The following DLK1 variants were observed in gnomAD, a reference collection of about 807,000 sequenced individuals.
The protein encoded by DLK1 is delta like non-canonical Notch ligand 1, also known as protein delta homolog 1.
In DLK1, 9 loss-of-function variants were observed where a neutral mutation model predicts 35.2. The observed-to-expected ratio is 0.26, with a 90% confidence interval of 0.15 to 0.45. DLK1 has a LOEUF of 0.45. Ranked by LOEUF, DLK1 falls within the 20% of genes least tolerant of loss-of-function variation. The pLI is 1.00. For missense variants in DLK1, 522 were observed against 528.5 expected, an observed-to-expected ratio of 0.99 and a Z score of 0.12; for synonymous variants, 231 against 228.4, an observed-to-expected ratio of 1.01 and a Z score of -0.10.
chr14:100,728,540 A>G (rs1006461177), intron 2 of DLK1, 81 bp downstream of exon 2: 1 of 1,422,326 alleles, frequency 7.0e-7, no homozygotes. Flanking sequence ...AGAAAAAAAT[A>G]GGGGGCTTGG....
chr14:100,734,374 C>T lies in DLK1; in HGVS notation c.630C>T (p.Thr210=). 6.2e-7 allele frequency: 1 copy of T among 1,612,052 alleles called. No homozygotes were observed. Among genetic ancestry groups the T allele is most frequent in the Non-Finnish European group, 8.5e-7 (1 of 1,179,248 alleles). ...ACAAGACCTGCAGCCGCCCGGTGAC[C>T]AACTGCGCCAGCAGCCCGTGCCAGA... ...FIDKTCSRPV[T]NCASSPCQNG... The change falls in exon 5 of 5, where the codon ACC becomes ACT. Residue 210 remains threonine (T), a synonymous_variant. Transcript: ENST00000341267. This position sits in a 1 kb window ranked among gnomAD's most constrained non-coding sequence, Gnocchi z 7.4.
chr14:100,730,700 G>A (rs1459198504), intron 3 of DLK1, among the ~76,000 whole-genome samples: 1 of 152,224 alleles, frequency 6.6e-6, no homozygotes, highest in Non-Finnish European at 1.5e-5. Context: ...CTGAGTGACA[G>A]GAGAGTCGGG....
In DLK1 at chr14:100,734,556, G is replaced by GGGTGCACGAGCTGCC; in HGVS notation, c.819_833dup (p.His273_Val277dup). 1 of 1,613,224 alleles carries GGGTGCACGAGCTGCC rather than the reference G, an allele frequency of 6.2e-7. No homozygotes were observed. Among genetic ancestry groups the GGGTGCACGAGCTGCC allele is most frequent in the Non-Finnish European group, 8.5e-7 (1 of 1,179,940 alleles). ...GGGCTGGCCTACCGCCTGACCCCTGGGGTGCACGAGCTGCCGGTGCAGCAG... is the reference window on the plus strand; with the variant it reads ...GGGCTGGCCTACCGCCTGACCCCTGGGGTGCACGAGCTGCCGGTGCACGAGCTGCCGGTGCAGCAG... On this transcript the variant is annotated inframe_insertion, in exon 5 of 5. Transcript: ENST00000341267. The surrounding 1 kb of genome is among the most constrained non-coding windows in gnomAD (Gnocchi z 7.4).
rs751512865 is a variant in DLK1 at position 100,734,208 on chromosome 14, C to T, written c.464C>T (p.Ser155Phe). The change falls in exon 5 of 5, where the codon TCC becomes TTC. Residue 155 changes from serine to phenylalanine, a missense_variant. Ser to Phe is a radical substitution (Grantham distance 155). Coordinates refer to ENST00000341267, the MANE Select transcript of DLK1 (RefSeq NM_003836.7). The surrounding 1 kb of genome is among the most constrained non-coding windows in gnomAD (Gnocchi z 7.4). ...VDDEGRASHASCLCPPGFSGN... is the reference protein window; with the variant it reads ...VDDEGRASHAFCLCPPGFSGN... ...GATGAGGGCCGGGCCTCCCATGCCT[C>T]CTGCCTGTGCCCCCCTGGCTTCTCA... 1.2e-6 allele frequency: 2 copies of T among 1,613,170 alleles called. No individual in the cohort carries two copies. The highest frequency in any genetic ancestry group is 1.7e-6 in the Non-Finnish European group (2 of 1,179,990).
At chr14:100,731,924 C>A in intron 3 of DLK1, 118 bp from the exon 4 acceptor site, 1 of 1,322,730 alleles carries the variant, frequency 7.6e-7, no homozygotes, top group Non-Finnish European at 1.0e-6. Context: ...GCTCCCTAAA[C>A]CCTCTTACTC....
intron 3 of DLK1, among the ~76,000 whole-genome samples, chr14:100,729,514 G>A (rs1304746709): frequency 6.6e-6 from 1 of 151,870 alleles, no homozygotes; most frequent in Non-Finnish European, 1.5e-5. Flanking sequence ...GGGGTGGGGG[G>A]TGGCCAGCAC....
rs757160557 is a variant in DLK1 at position 100,737,285 on chromosome 14, T to A, written c.*2389T>A. 2.7e-5 allele frequency: 4 copies of A among 150,484 alleles called. No individual in the cohort carries two copies. Among genetic ancestry groups the A allele is most frequent in the South Asian group, 2.1e-4 (1 of 4,728 alleles). The allele number at this position is 150,484 out of a possible 1,614,324, so 9.3% of individuals were successfully genotyped here. A position where few individuals can be genotyped will look rare whatever the true frequency, so the allele number is the denominator to read the frequency against. The stretch of plus-strand genomic sequence containing the variant: ...GAGTTTGTTTTAAGAAATAAAAAAA[T>A]TAAAAAGACAAAAAAAAGAATTGTT... On this transcript the variant is annotated 3_prime_UTR_variant, in exon 5 of 5. Coordinates refer to ENST00000341267, the MANE Select transcript of DLK1 (RefSeq NM_003836.7).
Position 100,732,135 on chromosome 14 carries a change from A to G in DLK1, c.356A>G (p.Tyr119Cys). 6.2e-7 allele frequency: 1 copy of G among 1,614,090 alleles called. No homozygotes were observed. The highest frequency in any genetic ancestry group is 8.5e-7 in the Non-Finnish European group (1 of 1,180,008). The change falls in exon 4 of 5, where the codon TAC becomes TGC. Residue 119 changes from tyrosine (Y) to cysteine (C), a missense_variant. Tyr to Cys is a radical substitution (Grantham distance 194). Coordinates refer to ENST00000341267, the MANE Select transcript of DLK1 (RefSeq NM_003836.7). ...TATGAATGCTCCTGTGCCCCCGGGT[A>G]CTCGGGAAAGGACTGCCAGAAAAAG... ...GLYECSCAPG[Y>C]SGKDCQKKDG...
intron 3 of DLK1, among the ~76,000 whole-genome samples, chr14:100,729,455 C>T (rs1316064226): frequency 6.6e-6 from 1 of 152,060 alleles, no homozygotes; most frequent in Non-Finnish European, 1.5e-5. Flanking sequence ...AGCTAAGACT[C>T]CCTAGAAAAG....
rs757881220 is a variant in DLK1 at position 100,735,050 on chromosome 14, C to T, written c.*154C>T. 4.9e-5 allele frequency: 48 copies of T among 973,288 alleles called. No individual in the cohort carries two copies. Among genetic ancestry groups the T allele is most frequent in the African/African-American group, 6.5e-5 (4 of 61,102 alleles). The allele number at this position is 973,288 out of a possible 1,614,324, so 60.3% of individuals were successfully genotyped here. A position where few individuals can be genotyped will look rare whatever the true frequency, so the allele number is the denominator to read the frequency against. On this transcript the variant is annotated 3_prime_UTR_variant, in exon 5 of 5. Coordinates refer to ENST00000341267, the MANE Select transcript of DLK1 (RefSeq NM_003836.7). Reference sequence around the variant, plus strand: ...TGTCTTTGTGCTGCTGTGTGACAAACGCAATGCAAAAACAATCCTCTTTCT... The same window carrying T: ...TGTCTTTGTGCTGCTGTGTGACAAATGCAATGCAAAAACAATCCTCTTTCT...
chr14:100,727,428 G>T (rs1056659546), intron 1 of DLK1, among the ~76,000 whole-genome samples: 2 of 152,206 alleles, frequency 1.3e-5, no homozygotes, highest in African/African-American at 4.8e-5. Context: ...GAAAAATGGG[G>T]TGCTGTTGTG....
At position 100,736,461 on chromosome 14, in the gene DLK1, C is replaced by T. The variant is rs2036572778; in HGVS notation, c.*1565C>T. On this transcript the variant is annotated 3_prime_UTR_variant, in exon 5 of 5. Coordinates refer to ENST00000341267, the MANE Select transcript of DLK1 (RefSeq NM_003836.7). ...CACCCACACACAACTCACAGTCACC[C>T]ATCCATTGGTCACCTGCGCCATCGT... The T allele has an allele frequency of 6.6e-6, 1 of 152,272 alleles. No individual in the cohort carries two copies. The highest frequency in any genetic ancestry group is 6.6e-5 in the Admixed American group (1 of 15,262). 9.4% of individuals were successfully genotyped at this position (152,272 alleles called of 1,614,324 possible).
Position 100,731,971 on chromosome 14 carries a change from C to T in DLK1, c.263-71C>T. ...CGGTGGCCATAGAGCCATTTTAAAGCCCACTGGGGCCCGCATCACGCTCGT... is the reference window on the plus strand; with the variant it reads ...CGGTGGCCATAGAGCCATTTTAAAGTCCACTGGGGCCCGCATCACGCTCGT... On this transcript the variant is annotated intron_variant, in intron 3 of 4. Transcript: ENST00000341267. The T allele has an allele frequency of 1.2e-5, 18 of 1,514,576 alleles. 1 individual carries two copies. The highest frequency in any genetic ancestry group is 1.6e-5 in the Non-Finnish European group (18 of 1,130,824). The allele number at this position is 1,514,576 out of a possible 1,614,324, so 93.8% of individuals were successfully genotyped here.
intron 3 of DLK1, among the ~76,000 whole-genome samples, chr14:100,729,968 T>A (rs1279803210): frequency 1.3e-5 from 2 of 152,224 alleles, no homozygotes; most frequent in African/African-American, 4.8e-5. Flanking sequence ...AAAAGCCAGC[T>A]ACAACCCTTT....
intron 3 of DLK1, among the ~76,000 whole-genome samples, chr14:100,731,572 G>C (rs1311287691): frequency 6.6e-6 from 1 of 152,092 alleles, no homozygotes; most frequent in Non-Finnish European, 1.5e-5. Context: ...TGATGGAAAA[G>C]TATGAAGAGC....
Position 100,734,744 on chromosome 14 carries a change from G to T in DLK1, c.1000G>T (p.Val334Leu), listed in dbSNP as rs763612036. The T allele has an allele frequency of 1.2e-6, 2 of 1,614,060 alleles. No homozygotes were observed. The highest frequency in any genetic ancestry group is 1.1e-5 in the South Asian group (1 of 91,084). The change falls in exon 5 of 5, where the codon GTG becomes TTG. Residue 334 changes from valine (V) to leucine (L), a missense_variant. Transcript: ENST00000341267. The surrounding 1 kb of genome is among the most constrained non-coding windows in gnomAD (Gnocchi z 7.4). ...IVFLNKCETW[V>L]SNLRYNHMLR... ...CTTCCTCAACAAGTGCGAGACCTGG[G>T]TGTCCAACCTGCGCTACAACCACAT... is the stretch of plus-strand genomic sequence containing the variant.
At position 100,732,094 on chromosome 14, in the gene DLK1, C is replaced by A. The variant is rs775953546; in HGVS notation, c.315C>A (p.Ser105Arg). Residue 105 changes from serine to arginine, a missense_variant, in exon 4 of 5, where the codon AGC becomes AGA. By Grantham distance (110) the Ser-to-Arg change is moderately radical. Transcript: ENST00000341267. ...GTGCCAACAACAGGACCTGCGTGAG[C>A]CTGGACGATGGCCTCTATGAATGCT... is the stretch of plus-strand genomic sequence containing the variant. ...APCANNRTCV[S>R]LDDGLYECSC... is the part of the protein sequence containing the mutation. 86 of 1,613,854 alleles carry A rather than the reference C, an allele frequency of 5.3e-5. No individual in the cohort carries two copies. The highest frequency in any genetic ancestry group is 7.0e-5 in the Non-Finnish European group (83 of 1,179,842).
At chr14:100,728,871 C>A (rs897460705) in intron 2 of DLK1, 65 bp from the exon 3 acceptor site, 9 of 1,582,048 alleles carry the variant, frequency 5.7e-6, no homozygotes, top group Admixed American at 1.7e-5. Flanking sequence ...CAGAAAGTAG[C>A]CTGAGCTGCC....
Position 100,728,393 on chromosome 14 carries a change from CAG to C in DLK1, c.68-2_68-1del. 4.3e-6 allele frequency: 7 copies of C among 1,613,812 alleles called. No homozygotes were observed. Among genetic ancestry groups the C allele is most frequent in the Non-Finnish European group, 5.9e-6 (7 of 1,179,878 alleles). ...GAATTGTATAACCTTTCTTGTACCT[CAG>C]GGGCTGAATGCTTCCCGGCCTGCAA... On this transcript the variant is annotated splice_acceptor_variant, in intron 1 of 4. Transcript: ENST00000341267. LOFTEE classifies it high-confidence loss of function.
Sources: gnomAD v4.1 joint callset for allele counts (sites outside exome capture counted in the v4.1 genomes callset) on GRCh38, gnomAD v4.1.1 for gene constraint, Gnocchi (gnomAD v3.1) non-coding constraint, MANE v1.5 for transcripts, NCBI Gene and HGNC (gene_info 2026-07-23, HGNC 2026-07-21) for gene names.